ZSCAN5A: variants seen among roughly 807,000 people sequenced by gnomAD.
The protein encoded by ZSCAN5A is zinc finger and SCAN domain-containing protein 5A.
Under a neutral mutation model 23.7 loss-of-function variants are expected in ZSCAN5A, and 12 were observed. The ratio of observed to expected loss-of-function variants is 0.51; its 90% CI spans 0.32 to 0.82. The LOEUF (loss-of-function observed/expected upper bound fraction) is 0.82, where lower values mean the gene tolerates loss of function less well. Ranked by LOEUF, ZSCAN5A falls within the 40% of genes least tolerant of loss-of-function variation. The probability of loss-of-function intolerance (pLI) is 0.03; values close to 1 mark genes in which losing one functional copy is unlikely to be tolerated. For synonymous variants in ZSCAN5A, 257 were observed against 239.9 expected, an observed-to-expected ratio of 1.07 and a Z score of -0.66; for missense variants, 597 against 617.9, an observed-to-expected ratio of 0.97 and a Z score of 0.36.
At chr19:56,231,996 C>CTTTTTTTTTTTTTTTTTT (rs59525392) in intron 2 of ZSCAN5A, among the ~76,000 whole-genome samples, 20 of 124,980 alleles carry the variant, frequency 1.6e-4, no homozygotes, top group African/African-American at 3.0e-4. Context: ...TTTTTCTTTT[C>CTTTTTTTTTTTTTTTTTT]TTTTTTTTTG....
At chr19:56,328,374 A>G (rs1322860281) in intron 2 of ZSCAN5A, among the ~76,000 whole-genome samples, 6 of 151,492 alleles carry the variant, frequency 4.0e-5, no homozygotes, top group South Asian at 2.1e-4. Context: ...GGCCAGGCGC[A>G]GTGGCTCATG....
intron 2 of ZSCAN5A, among the ~76,000 whole-genome samples, chr19:56,271,875 C>A (rs1482924082): frequency 6.6e-6 from 1 of 152,114 alleles, no homozygotes; most frequent in Non-Finnish European, 1.5e-5. Flanking sequence ...GTTCATATTC[C>A]CACTGACAGC....
chr19:56,261,641 G>C (rs1360047122), intron 2 of ZSCAN5A, among the ~76,000 whole-genome samples: 1 of 152,118 alleles, frequency 6.6e-6, no homozygotes, highest in African/African-American at 2.4e-5. Flanking sequence ...GACAGAGAGA[G>C]AGAATCAAAA....
At chr19:56,248,693 G>A (rs1198349473) in intron 2 of ZSCAN5A, among the ~76,000 whole-genome samples, 1 of 152,052 alleles carries the variant, frequency 6.6e-6, no homozygotes, top group East Asian at 1.9e-4. Context: ...TTGGCCTCCA[G>A]AAGTGCTCGG....
intron 2 of ZSCAN5A, among the ~76,000 whole-genome samples, chr19:56,262,615 A>G (rs151299738): frequency 2.6e-5 from 4 of 151,888 alleles, no homozygotes; most frequent in African/African-American, 9.7e-5. Context: ...TGTCTTTAGT[A>G]GAGACGGGGT....
chr19:56,259,082 C>A (rs56285782), intron 2 of ZSCAN5A, among the ~76,000 whole-genome samples: 24,264 of 152,168 alleles, frequency 0.16, 2,306 homozygotes, highest in Middle Eastern at 0.29. Flanking sequence ...GAGCCCACCA[C>A]CGATTTCCTG....
At chr19:56,334,218 G>C in intron 2 of ZSCAN5A, among the ~76,000 whole-genome samples, 1 of 152,142 alleles carries the variant, frequency 6.6e-6, no homozygotes, top group East Asian at 1.9e-4. Flanking sequence ...CAAGTTCTCT[G>C]CATAGAGTGG....
rs748673755 is a variant in ZSCAN5A, at chr19:56,221,902, G to T, written c.1164C>A (p.Leu388=). ...TAAGCTGCATGAAGCGCTTCCCACA[G>T]AGATTACATTGAAAGAGTCTCTCGC... is the stretch of plus-strand genomic sequence containing the variant. ...HTGERLFQCN[L]CGKRFMQLIS... Residue 388 remains leucine, a synonymous_variant, in exon 6 of 6, where the codon CTC becomes CTA. Coordinates refer to ENST00000683990, the MANE Select transcript of ZSCAN5A (RefSeq NM_001322064.3). The T allele has an allele frequency of 6.2e-7, 1 of 1,614,228 alleles. No individual in the cohort carries two copies. The highest frequency in any genetic ancestry group is 8.5e-7 in the Non-Finnish European group (1 of 1,180,046).
intron 2 of ZSCAN5A, among the ~76,000 whole-genome samples, chr19:56,360,982 G>A (rs1213494021): frequency 1.3e-5 from 2 of 151,938 alleles, no homozygotes; most frequent in Non-Finnish European, 2.9e-5. Flanking sequence ...AGGAACTTCA[G>A]CAAATTTACA....
chr19:56,230,515 ATTAG>A (rs924977179), intron 2 of ZSCAN5A, among the ~76,000 whole-genome samples: 16 of 152,060 alleles, frequency 1.1e-4, no homozygotes, highest in African/African-American at 3.4e-4. Context: ...TTTCCTTCTT[ATTAG>A]TTATTTAACT....
At chr19:56,314,049 A>T (rs2041211848) in intron 1 of ZSCAN5A, among the ~76,000 whole-genome samples, 1 of 152,142 alleles carries the variant, frequency 6.6e-6, no homozygotes, top group Admixed American at 6.5e-5. Flanking sequence ...CCAGTGGGTG[A>T]GGTGAGGGAA....
At chr19:56,264,900 T>C (rs2037363063) in intron 2 of ZSCAN5A, among the ~76,000 whole-genome samples, 1 of 152,126 alleles carries the variant, frequency 6.6e-6, no homozygotes, top group Admixed American at 6.5e-5. Flanking sequence ...GGCAGGTGGA[T>C]CACTTGAGGT....
chr19:56,367,952 A>C (rs994840327), intron 1 of ZSCAN5A: 3 of 152,340 alleles, frequency 2.0e-5, no homozygotes, highest in Admixed American at 2.0e-4. Flanking sequence ...GCACATGTCC[A>C]CGCCAATGTA....
At position 56,314,814 on chromosome 19, in the gene ZSCAN5A, G is replaced by C. The variant is rs1049563432; in HGVS notation, c.-363C>G. The C allele has an allele frequency of 6.6e-6, 1 of 152,300 alleles. No individual in the cohort carries two copies. The highest frequency in any genetic ancestry group is 1.9e-4 in the East Asian group (1 of 5,198). 9.4% of individuals were successfully genotyped at this position (152,300 alleles called of 1,614,324 possible). On this transcript the variant is annotated 5_prime_UTR_variant, in exon 1 of 6. The change creates a new upstream start codon in the 5' untranslated region. Coordinates refer to ENST00000683990, the MANE Select transcript of ZSCAN5A (RefSeq NM_001322064.3). ...GGGGCCGGGGAGAGCGGGACGCCTGGATCGGGAACTTGTCGCATTCACATT... is the reference window on the plus strand; with the variant it reads ...GGGGCCGGGGAGAGCGGGACGCCTGCATCGGGAACTTGTCGCATTCACATT...
intron 2 of ZSCAN5A, among the ~76,000 whole-genome samples, chr19:56,284,648 G>A (rs1016670042): frequency 1.3e-5 from 2 of 151,462 alleles, no homozygotes; most frequent in Non-Finnish European, 2.9e-5. Flanking sequence ...CTGAGTAGCT[G>A]GGATTACAGG....
chr19:56,348,099 C>T (rs969069214), intron 2 of ZSCAN5A: 1 of 152,250 alleles, frequency 6.6e-6, no homozygotes. Flanking sequence ...ACAGACGGTC[C>T]AGCAGGACTG....
chr19:56,320,916 G>C (rs887252566), intron 2 of ZSCAN5A: 12 of 758,360 alleles, frequency 1.6e-5, no homozygotes, highest in Admixed American at 3.4e-5. Flanking sequence ...TGAAGGAAAA[G>C]CCCAGCTGTT....
rs186058113 is a variant in ZSCAN5A at position 56,301,215 on chromosome 19, G to C, written c.-128+12068C>G. 1.9e-3 allele frequency among the ~76,000 whole-genome samples: 297 copies of C among 152,342 alleles called. 5 individuals carry two copies. Among genetic ancestry groups the C allele is most frequent in the Admixed American group, 0.017 (257 of 15,300 alleles). Reference sequence around the variant, plus strand: ...TACTCCATAGGCAGAGCAGCAGCAAGGACTGCTGGACTGAGTCTCCTTATA... The same window carrying C: ...TACTCCATAGGCAGAGCAGCAGCAACGACTGCTGGACTGAGTCTCCTTATA... On this transcript the variant is annotated intron_variant, in intron 2 of 5. Transcript: ENST00000683990.
upstream of ZSCAN5A, chr19:56,315,996 G>A (rs1277868313): frequency 6.6e-6 from 1 of 152,170 alleles, no homozygotes; most frequent in Non-Finnish European, 1.5e-5. Context: ...GGATGTATTG[G>A]ATGTTACGAC....
Sources: gnomAD v4.1 joint callset for allele counts (sites outside exome capture counted in the v4.1 genomes callset) on GRCh38, gnomAD v4.1.1 for gene constraint, MANE v1.5 for transcripts, NCBI Gene and HGNC (gene_info 2026-07-23, HGNC 2026-07-21) for gene names.